The following BSN variants were observed in gnomAD, a reference collection of about 807,000 sequenced individuals.
The protein encoded by BSN is protein bassoon.
In BSN, 57 loss-of-function variants were observed where a neutral mutation model predicts 264.8. That is an observed-to-expected ratio of 0.22 (90% CI 0.17 to 0.27). The LOEUF (loss-of-function observed/expected upper bound fraction) is 0.27, where lower values mean the gene tolerates loss of function less well. BSN is among the 10% of genes least tolerant of loss of function. BSN has a pLI of 1.00. For missense variants in BSN, 4,615 were observed against 5,232.5 expected, an observed-to-expected ratio of 0.88 and a Z score of 3.64; for synonymous variants, 2,059 against 2,137.3, an observed-to-expected ratio of 0.96 and a Z score of 1.01.
chr3:49,563,297 G>A (rs1453625331), intron 1 of BSN, among the ~76,000 whole-genome samples: 1 of 152,156 alleles, frequency 6.6e-6, no homozygotes, highest in African/African-American at 2.4e-5. Context: ...GGGTTGGTTG[G>A]CCAGCCAGCA....
intron 3 of BSN, among the ~76,000 whole-genome samples, chr3:49,649,076 T>C (rs2052519900): frequency 6.6e-6 from 1 of 152,156 alleles, no homozygotes; most frequent in African/African-American, 2.4e-5. Flanking sequence ...TAGCTCTCTG[T>C]GGACAGCAAA....
chr3:49,654,099 T>C lies in BSN; in HGVS notation c.4543T>C (p.Ser1515Pro). 7 of 1,613,918 alleles carry C rather than the reference T, an allele frequency of 4.3e-6. No individual in the cohort carries two copies. The highest frequency in any genetic ancestry group is 5.9e-6 in the Non-Finnish European group (7 of 1,180,020). Residue 1515 changes from serine (S) to proline (P), a missense_variant, in exon 5 of 12, where the codon TCA (serine) becomes CCA (proline). Physicochemically the swap from Ser to Pro is moderately conservative, Grantham distance 74. Coordinates refer to ENST00000296452, the MANE Select transcript of BSN (RefSeq NM_003458.4). The surrounding 1 kb of genome is among the most constrained non-coding windows in gnomAD (Gnocchi z 4.1). ...STQTPSPAPASDMPRSPGAPT... is the reference protein window; with the variant it reads ...STQTPSPAPAPDMPRSPGAPT... ...ACAGACGCCAAGTCCAGCCCCTGCC[T>C]CAGACATGCCACGGAGCCCTGGTGC...
Position 49,661,003 on chromosome 3 carries a change from A to G in BSN, c.9158A>G (p.Gln3053Arg), listed in dbSNP as rs1285182632. Residue 3053 changes from glutamine to arginine, a missense_variant, in exon 6 of 12, where the codon CAG becomes CGG. Around this residue, in one of 3 missense-constraint regions of BSN, gnomAD observed 3,415 missense variants for 3,866.4 expected, o/e 0.88. Transcript: ENST00000296452. Reference sequence around the variant, plus strand: ...CCCTCTGGTCCCACTGCCTTCCAGCAGCCCCGCTTCCAGCCTCCAGCCCCA... The same window carrying G: ...CCCTCTGGTCCCACTGCCTTCCAGCGGCCCCGCTTCCAGCCTCCAGCCCCA... ...ATPSGPTAFQQPRFQPPAPQY... is the reference protein window; with the variant it reads ...ATPSGPTAFQRPRFQPPAPQY... 3.1e-6 allele frequency: 5 copies of G among 1,611,146 alleles called. No individual in the cohort carries two copies. The highest frequency in any genetic ancestry group is 4.2e-6 in the Non-Finnish European group (5 of 1,179,880).
Position 49,664,783 on chromosome 3 carries a change from T to C in BSN, c.11741-16T>C. On this transcript the variant is annotated splice_polypyrimidine_tract_variant and intron_variant, in intron 9 of 11. Transcript: ENST00000296452. ...GCCCAATTTCCTGATGGCTCTCTCC[T>C]CTTTCTTTGTCACAGCTGTCTCTGC... The C allele has an allele frequency of 6.2e-7, 1 of 1,613,924 alleles. No homozygotes were observed. The highest frequency in any genetic ancestry group is 8.5e-7 in the Non-Finnish European group (1 of 1,179,972).
intron 1 of BSN, among the ~76,000 whole-genome samples, chr3:49,559,352 G>A (rs892465991): frequency 1.3e-5 from 2 of 152,034 alleles, no homozygotes; most frequent in Non-Finnish European, 2.9e-5. Context: ...TCAACTTATG[G>A]CCAATTGAGT....
chr3:49,611,079 C>A (rs768945668), intron 1 of BSN, among the ~76,000 whole-genome samples: 7 of 152,174 alleles, frequency 4.6e-5, no homozygotes, highest in African/African-American at 1.7e-4. Flanking sequence ...TGGTCAGGAA[C>A]TTGAGGTTTC....
At chr3:49,581,584 G>A (rs1446920824) in intron 1 of BSN, among the ~76,000 whole-genome samples, 2 of 152,262 alleles carry the variant, frequency 1.3e-5, no homozygotes, top group African/African-American at 4.8e-5. Context: ...CCAGCACTTG[G>A]GGAAGCCGAG....
intron 1 of BSN, among the ~76,000 whole-genome samples, chr3:49,580,957 C>A (rs2051891569): frequency 6.6e-6 from 1 of 151,570 alleles, no homozygotes; most frequent in African/African-American, 2.4e-5. Flanking sequence ...CCCATTGACC[C>A]CTTTCTTCAG....
intron 1 of BSN, among the ~76,000 whole-genome samples, chr3:49,566,280 T>C (rs1191819150): frequency 6.6e-6 from 1 of 152,254 alleles, no homozygotes; most frequent in Non-Finnish European, 1.5e-5. Context: ...TATCCTAGAC[T>C]ATCTCTCATT....
intron 2 of BSN, among the ~76,000 whole-genome samples, chr3:49,634,573 G>A (rs902235317): frequency 1.3e-5 from 2 of 152,102 alleles, no homozygotes; most frequent in African/African-American, 4.8e-5. Context: ...TGTATTTTTA[G>A]TAGAAATGGG....
chr3:49,629,633 G>A (rs533671033), intron 2 of BSN, among the ~76,000 whole-genome samples: 108 of 152,332 alleles, frequency 7.1e-4, no homozygotes, highest in Non-Finnish European at 1.2e-3. Flanking sequence ...GAGTGACTGC[G>A]GTGCAGAGGC....
chr3:49,653,311 TG>T lies in BSN; in HGVS notation c.3758del (p.Gly1253GlufsTer15). On this transcript the variant is annotated frameshift_variant, in exon 5 of 12. Coordinates refer to ENST00000296452, the MANE Select transcript of BSN (RefSeq NM_003458.4). LOFTEE classifies it high-confidence loss of function. This position sits in a 1 kb window ranked among gnomAD's most constrained non-coding sequence, Gnocchi z 6.3. ...QPAAEGTPASLGAAVYEEILQ... is the reference protein window; with the variant it reads ...QPAAEGTPASXGAAVYEEILQ... ...GCCGCAGAGGGCACGCCAGCCAGCC[TG>T]GGAGCAGCCGTGTACGAAGAAATCC... is the stretch of plus-strand genomic sequence containing the variant. The T allele has an allele frequency of 6.2e-7, 1 of 1,612,346 alleles. No homozygotes were observed. Among genetic ancestry groups the T allele is most frequent in the Non-Finnish European group, 8.5e-7 (1 of 1,179,680 alleles).
intron 1 of BSN, among the ~76,000 whole-genome samples, chr3:49,613,374 GTAA>G (rs1244656741): frequency 6.9e-6 from 1 of 145,340 alleles, no homozygotes; most frequent in Non-Finnish European, 1.5e-5. Flanking sequence ...GCTCTCCACA[GTAA>G]TAATCAACGA....
In BSN at chr3:49,653,626, A is replaced by C; in HGVS notation, c.4070A>C (p.His1357Pro). ...GAGACTCAGGACCCCCTCAAGCTGC[A>C]CAGCTCTCCTGCCTCCCCCAGCTCA... ...AKETQDPLKLHSSPASPSSAS... is the reference protein window; with the variant it reads ...AKETQDPLKLPSSPASPSSAS... The change falls in exon 5 of 12, where the codon CAC (histidine) becomes CCC (proline). Residue 1357 changes from histidine (H) to proline (P), a missense_variant. By Grantham distance (77) the His-to-Pro change is moderately conservative (BLOSUM62 -2). Coordinates refer to ENST00000296452, the MANE Select transcript of BSN (RefSeq NM_003458.4). This position sits in a 1 kb window ranked among gnomAD's most constrained non-coding sequence, Gnocchi z 6.3. 1 of 1,613,690 alleles carries C rather than the reference A, an allele frequency of 6.2e-7. No homozygotes were observed. Among genetic ancestry groups the C allele is most frequent in the Non-Finnish European group, 8.5e-7 (1 of 1,179,966 alleles).
chr3:49,578,629 A>G (rs1443116353), intron 1 of BSN, among the ~76,000 whole-genome samples: 1 of 151,858 alleles, frequency 6.6e-6, no homozygotes, highest in Non-Finnish European at 1.5e-5. Context: ...TGTGGTCTCA[A>G]TCTCCTGATC....
intron 2 of BSN, chr3:49,640,466 C>T (rs943027765): frequency 6.6e-6 from 1 of 152,262 alleles, no homozygotes; most frequent in East Asian, 1.9e-4. Flanking sequence ...GGTGATTTGA[C>T]ACAGAGTACC....
At chr3:49,602,401 G>C (rs1449056711) in intron 1 of BSN, among the ~76,000 whole-genome samples, 2 of 151,798 alleles carry the variant, frequency 1.3e-5, no homozygotes, top group Non-Finnish European at 2.9e-5. Context: ...ACCAATCCTT[G>C]CTCTGCCTTG....
chr3:49,577,190 T>A (rs1363405605), intron 1 of BSN, among the ~76,000 whole-genome samples: 1 of 152,240 alleles, frequency 6.6e-6, no homozygotes, highest in Non-Finnish European at 1.5e-5. Context: ...CTTCGCTATC[T>A]TGCTTGTTTC....
In BSN at chr3:49,657,562, T is replaced by A; in HGVS notation, c.8006T>A (p.Ile2669Asn). 1 of 1,613,116 alleles carries A rather than the reference T, an allele frequency of 6.2e-7. No individual in the cohort carries two copies. The highest frequency in any genetic ancestry group is 1.1e-5 in the South Asian group (1 of 91,088). Residue 2669 changes from isoleucine (I) to asparagine (N), a missense_variant, in exon 5 of 12, where the codon ATC becomes AAC. By Grantham distance (149) the Ile-to-Asn change is moderately radical. Around this residue, in one of 3 missense-constraint regions of BSN, gnomAD observed 3,415 missense variants for 3,866.4 expected, o/e 0.88. Coordinates refer to ENST00000296452, the MANE Select transcript of BSN (RefSeq NM_003458.4). ...ATGAGCAGCGTGGGCATCCAGACCATCAGTGACTGCTCCGTGCAGACGGAG... is the reference window on the plus strand; with the variant it reads ...ATGAGCAGCGTGGGCATCCAGACCAACAGTGACTGCTCCGTGCAGACGGAG... ...RAMSSVGIQTISDCSVQTEPD... is the reference protein window; with the variant it reads ...RAMSSVGIQTNSDCSVQTEPD...
Sources: allele counts gnomAD v4.1 joint callset (sites outside exome capture counted in the v4.1 genomes callset), GRCh38; gene constraint gnomAD v4.1.1; regional missense constraint gnomAD v4.1.1; non-coding constraint Gnocchi (gnomAD v3.1); transcripts MANE v1.5; gene names NCBI Gene and HGNC (gene_info 2026-07-23, HGNC 2026-07-21).